REDIC1: variants seen among roughly 807,000 people sequenced by gnomAD.
REDIC1 encodes the protein regulator of DNA class I crossover intermediates 1, also known as HEI10 Interacting Protein 1.
the REDIC1 span, among the ~76,000 whole-genome samples, chr12:39,676,775 A>T: frequency 6.6e-6 from 1 of 152,184 alleles, no homozygotes; most frequent in Non-Finnish European, 1.5e-5. Flanking sequence ...AAACCCTACA[A>T]GCCAGAAGGA....
chr12:39,743,029 G>A, the REDIC1 span, among the ~76,000 whole-genome samples: 6 of 151,376 alleles, frequency 4.0e-5, no homozygotes, highest in East Asian at 2.0e-4. Flanking sequence ...ACTTTCACAC[G>A]TTCTATAAAC....
At chr12:39,758,022 T>G in the REDIC1 span, 2 of 151,790 alleles carry the variant, frequency 1.3e-5, no homozygotes, top group Non-Finnish European at 3.0e-5. Flanking sequence ...TGTAAAATAT[T>G]AGATAAGAAA....
chr12:39,863,677 C>T, the REDIC1 span, among the ~76,000 whole-genome samples: 6 of 151,990 alleles, frequency 3.9e-5, no homozygotes, highest in African/African-American at 1.5e-4. Flanking sequence ...CTTCTTAGAA[C>T]AATAAAAAGA....
chr12:39,711,623 A>T, the REDIC1 span, among the ~76,000 whole-genome samples: 4 of 62,862 alleles, frequency 6.4e-5, no homozygotes, highest in East Asian at 2.0e-3. Context: ...GTATGTGTAT[A>T]CACGTATGTG....
At chr12:39,812,996 A>ATTTTTTT in the REDIC1 span, among the ~76,000 whole-genome samples, 2,841 of 40,580 alleles carry the variant, frequency 0.07, 1,168 homozygotes, top group African/African-American at 0.11. Flanking sequence ...TGCCCAGCTA[A>ATTTTTTT]TTTTTTTTTT....
At chr12:39,885,272 T>G in the REDIC1 span, among the ~76,000 whole-genome samples, 7 of 152,076 alleles carry the variant, frequency 4.6e-5, no homozygotes, top group Non-Finnish European at 5.9e-5. Context: ...AATTCCCTAC[T>G]CTCTCAAATG....
chr12:39,643,969 GT>G, the REDIC1 span: 1 of 1,313,656 alleles, frequency 7.6e-7, no homozygotes, highest in Non-Finnish European at 1.0e-6. Flanking sequence ...TCATAATAAT[GT>G]TTAGTCTTCT....
At chr12:39,864,780 G>C in the REDIC1 span, 1 of 1,613,996 alleles carries the variant, frequency 6.2e-7, no homozygotes, top group South Asian at 1.1e-5. Context: ...TGTGCAAGTG[G>C]CGTTCTGACC....
the REDIC1 span, among the ~76,000 whole-genome samples, chr12:39,749,322 G>A: frequency 1.7e-4 from 26 of 152,168 alleles, no homozygotes; most frequent in Non-Finnish European, 3.1e-4. Context: ...AAATCTAGAA[G>A]AAATGGATAA....
At chr12:39,801,109 G>C in the REDIC1 span, among the ~76,000 whole-genome samples, 5 of 65,066 alleles carry the variant, frequency 7.7e-5, no homozygotes, top group East Asian at 1.6e-3. Context: ...GGTCAGGGGA[G>C]GGGGGAGGGA....
the REDIC1 span, among the ~76,000 whole-genome samples, chr12:39,812,623 C>T: frequency 1.6e-4 from 24 of 151,306 alleles, no homozygotes; most frequent in African/African-American, 4.1e-4. Context: ...CAGGCGCCCA[C>T]GGCTACGCCC....
At chr12:39,654,495 G>A in the REDIC1 span, among the ~76,000 whole-genome samples, 1 of 152,064 alleles carries the variant, frequency 6.6e-6, no homozygotes, top group East Asian at 1.9e-4. Flanking sequence ...GCCTGAGGCA[G>A]GAGAATGGTG....
chr12:39,880,181 T>G, the REDIC1 span, among the ~76,000 whole-genome samples: 1 of 152,174 alleles, frequency 6.6e-6, no homozygotes, highest in South Asian at 2.1e-4. Flanking sequence ...CCTGTAAAGT[T>G]TGTAGAACCA....
the REDIC1 span, among the ~76,000 whole-genome samples, chr12:39,896,668 TTAAA>T: frequency 1.3e-5 from 2 of 151,818 alleles, no homozygotes; most frequent in Non-Finnish European, 2.9e-5. Context: ...TCAATGAAGT[TTAAA>T]TATTAATATC....
At chr12:39,668,494 T>G in the REDIC1 span, among the ~76,000 whole-genome samples, 2 of 152,264 alleles carry the variant, frequency 1.3e-5, no homozygotes, top group African/African-American at 2.4e-5. Context: ...CTGGCTGCCC[T>G]TAACATTTTT....
the REDIC1 span, among the ~76,000 whole-genome samples, chr12:39,711,607 GCATGTGTATGTGTATACACGTA>G: frequency 9.1e-6 from 1 of 110,098 alleles, no homozygotes; most frequent in Admixed American, 8.9e-5. Context: ...GTATACACAT[GCATGTGTATGTGTATACACGTA>G]TGTGTATATG....
At chr12:39,885,336 G>A in the REDIC1 span, among the ~76,000 whole-genome samples, 1 of 152,172 alleles carries the variant, frequency 6.6e-6, no homozygotes, top group African/African-American at 2.4e-5. Context: ...CAGAGAGTAG[G>A]TGAAACAGAA....
At chr12:39,667,664 G>A in the REDIC1 span, among the ~76,000 whole-genome samples, 2 of 152,036 alleles carry the variant, frequency 1.3e-5, no homozygotes. Flanking sequence ...TTGACAGTGG[G>A]GTGTTAAAGT....
the REDIC1 span, among the ~76,000 whole-genome samples, chr12:39,711,811 GTGTGTACACATGCATGTGTATA>G: frequency 2.4e-5 from 2 of 83,712 alleles, no homozygotes; most frequent in African/African-American, 3.7e-5. Flanking sequence ...GCATGTGTAT[GTGTGTACACATGCATGTGTATA>G]TGTGTGTATA....
Sources: allele counts gnomAD v4.1 joint callset (sites outside exome capture counted in the v4.1 genomes callset), GRCh38; gene constraint gnomAD v4.1.1; transcripts MANE v1.5; gene names NCBI Gene and HGNC (gene_info 2026-07-23, HGNC 2026-07-21).